Variants in AFF3 observed in about 807,000 individuals in gnomAD.
AFF3 encodes ALF transcription elongation factor 3, also known as AF4/FMR2 family member 3.
A neutral mutation model predicts 129.7 loss-of-function variants in AFF3; 32 were observed. The ratio of observed to expected loss-of-function variants is 0.25; its 90% confidence interval spans 0.19 to 0.33. The LOEUF is 0.33. AFF3 is among the 10% of genes least tolerant of loss of function. The probability of loss-of-function intolerance (pLI) is 1.00; values close to 1 mark genes in which losing one functional copy is unlikely to be tolerated. For missense variants in AFF3, 1,373 were observed against 1,592.0 expected (o/e 0.86, Z 2.34); for synonymous variants, 644 against 635.4 (o/e 1.01, Z -0.20).
intron 4 of AFF3, among the ~76,000 whole-genome samples, chr2:100,072,419 C>A (rs541869581): frequency 6.6e-6 from 1 of 152,140 alleles, no homozygotes; most frequent in Non-Finnish European, 1.5e-5. Context: ...TCCACGAAAC[C>A]GGTCCCTGGT....
At chr2:99,728,800 C>A (rs902438108) in intron 10 of AFF3, among the ~76,000 whole-genome samples, 1 of 152,202 alleles carries the variant, frequency 6.6e-6, no homozygotes, top group Non-Finnish European at 1.5e-5. Context: ...GCTAAAGTAG[C>A]AAATTAATAA....
chr2:99,740,182 T>C (rs1391751857), intron 10 of AFF3, among the ~76,000 whole-genome samples: 1 of 151,216 alleles, frequency 6.6e-6, no homozygotes, highest in Non-Finnish European at 1.5e-5. Flanking sequence ...ATGGTGTATA[T>C]GTGCCACATT....
At chr2:99,995,097 G>A (rs1457216083) in intron 7 of AFF3, among the ~76,000 whole-genome samples, 1 of 152,166 alleles carries the variant, frequency 6.6e-6, no homozygotes, top group East Asian at 1.9e-4. Context: ...GCACTTTGGT[G>A]GCTGGAGCAG....
At chr2:99,655,277 T>G (rs1685651652) in intron 12 of AFF3, among the ~76,000 whole-genome samples, 1 of 147,794 alleles carries the variant, frequency 6.8e-6, no homozygotes, top group Non-Finnish European at 1.5e-5. Flanking sequence ...GCAGTCTACA[T>G]TCCAAGGGGC....
At chr2:99,871,356 A>C (rs1691853787) in intron 7 of AFF3, among the ~76,000 whole-genome samples, 1 of 152,236 alleles carries the variant, frequency 6.6e-6, no homozygotes, top group South Asian at 2.1e-4. Context: ...CATCTAACCA[A>C]GTAAATATGA....
intron 4 of AFF3, among the ~76,000 whole-genome samples, chr2:100,052,814 C>T (rs114094960): frequency 2.6e-5 from 4 of 152,338 alleles, no homozygotes; most frequent in Admixed American, 6.5e-5. Flanking sequence ...CAGGACAGGG[C>T]GCTGCACCTG....
In AFF3 at chr2:99,634,150, C is replaced by A. The variant is rs540450593; in HGVS notation, c.1184+15476G>T. On this transcript the variant is annotated intron_variant, in intron 13 of 24. Coordinates refer to ENST00000672756, the MANE Select transcript of AFF3 (RefSeq NM_001386135.1). ...GGCTAGCTTCTGACCTCAGGTGATC[C>A]ACCTGCTTCGGCCTTCCAAAGTGCT... Among the ~76,000 whole-genome samples, 6 of 152,238 alleles carry A rather than the reference C, an allele frequency of 3.9e-5. No homozygotes were observed. The East Asian group carries it at 1.2e-3, about 29-fold the overall frequency.
intron 4 of AFF3, among the ~76,000 whole-genome samples, chr2:100,019,194 T>TA (rs1683384310): frequency 1.3e-5 from 2 of 151,918 alleles, no homozygotes; most frequent in Non-Finnish European, 2.9e-5. Context: ...ACGTTAGCCG[T>TA]AAAAAAAGGC....
At chr2:99,823,660 T>C (rs1165347807) in intron 8 of AFF3, among the ~76,000 whole-genome samples, 1 of 152,204 alleles carries the variant, frequency 6.6e-6, no homozygotes, top group Non-Finnish European at 1.5e-5. Context: ...TCATATGTTC[T>C]TTGCAGTGCT....
intron 12 of AFF3, among the ~76,000 whole-genome samples, chr2:99,652,880 T>C (rs1027051529): frequency 1.3e-5 from 2 of 152,058 alleles, no homozygotes; most frequent in Admixed American, 6.5e-5. Context: ...GATAAAAGAA[T>C]ACAGATCTAC....
intron 4 of AFF3, among the ~76,000 whole-genome samples, chr2:100,043,313 G>A (rs546192590): frequency 2.0e-3 from 300 of 152,272 alleles, no homozygotes; most frequent in African/African-American, 6.9e-3. Flanking sequence ...GTCGGGAAGG[G>A]CAGGTGGGAT....
At chr2:100,036,558 T>C (rs968807137) in intron 4 of AFF3, among the ~76,000 whole-genome samples, 5 of 148,506 alleles carry the variant, frequency 3.4e-5, no homozygotes, top group African/African-American at 1.0e-4. Flanking sequence ...TGGCATTTCT[T>C]AATCATTAAA....
In AFF3 at chr2:99,551,422, C is replaced by T. The variant is rs1417205251; in HGVS notation, c.*52G>A. ...GTTTCAGTAGCACAGTGTCCAAAAACGTTGAGCCATCTGTGGAGACCAGAG... is the reference window on the plus strand; with the variant it reads ...GTTTCAGTAGCACAGTGTCCAAAAATGTTGAGCCATCTGTGGAGACCAGAG... On this transcript the variant is annotated 3_prime_UTR_variant, in exon 25 of 25. Coordinates refer to ENST00000672756, the MANE Select transcript of AFF3 (RefSeq NM_001386135.1). 2.7e-5 allele frequency: 44 copies of T among 1,606,976 alleles called. No homozygotes were observed. In the East Asian group the frequency reaches 6.7e-4, roughly 24 times the overall value.
intron 13 of AFF3, among the ~76,000 whole-genome samples, chr2:99,616,729 C>G (rs556939612): frequency 6.6e-6 from 1 of 152,218 alleles, no homozygotes; most frequent in African/African-American, 2.4e-5. Context: ...GCACTCCAGC[C>G]TGGGTGACAG....
At chr2:99,700,082 G>A (rs1267400311) in intron 11 of AFF3, among the ~76,000 whole-genome samples, 1 of 151,510 alleles carries the variant, frequency 6.6e-6, no homozygotes, top group East Asian at 1.9e-4. Context: ...GAATGAGTCT[G>A]TGGGAGAACA....
intron 4 of AFF3, among the ~76,000 whole-genome samples, chr2:100,062,730 A>G (rs1687391913): frequency 6.6e-6 from 1 of 152,210 alleles, no homozygotes; most frequent in Admixed American, 6.5e-5. Context: ...TTAGGCCCCA[A>G]GACTTTTTCT....
intron 7 of AFF3, among the ~76,000 whole-genome samples, chr2:99,857,822 A>G (rs975143452): frequency 1.3e-5 from 2 of 152,200 alleles, no homozygotes; most frequent in Admixed American, 6.5e-5. Flanking sequence ...CTTCTCCTCA[A>G]ATTGACCTTA....
intron 8 of AFF3, among the ~76,000 whole-genome samples, chr2:99,804,088 G>A (rs143583020): frequency 0.022 from 3,395 of 152,196 alleles, 47 homozygotes; most frequent in Admixed American, 0.057. Context: ...AAAAATAAAT[G>A]AGACCTAATT....
Position 99,663,588 on chromosome 2 carries a change from C to T in AFF3, c.1143+8950G>A, listed in dbSNP as rs140494172. Among the ~76,000 whole-genome samples the T allele has an allele frequency of 2.3e-3, 350 of 152,246 alleles. 1 individual carries two copies. The highest frequency in any genetic ancestry group is 8.1e-3 in the African/African-American group (335 of 41,528). On this transcript the variant is annotated intron_variant, in intron 12 of 24. Coordinates refer to ENST00000672756, the MANE Select transcript of AFF3 (RefSeq NM_001386135.1). Reference sequence around the variant, plus strand: ...TTTCATTGTGCAAGAAGTAAATTAACGCCAATGGGGAAATTTCCCTCTACA... The same window carrying T: ...TTTCATTGTGCAAGAAGTAAATTAATGCCAATGGGGAAATTTCCCTCTACA...
Sources: gnomAD v4.1 joint callset for allele counts (sites outside exome capture counted in the v4.1 genomes callset) on GRCh38, gnomAD v4.1.1 for gene constraint, MANE v1.5 for transcripts, NCBI Gene and HGNC (gene_info 2026-07-23, HGNC 2026-07-21) for gene names.